Variants in KIAA0319 observed in about 807,000 individuals in gnomAD.
The protein encoded by KIAA0319 is dyslexia-associated protein KIAA0319.
KIAA0319 carries 83 observed loss-of-function variants against 108.4 expected under a neutral mutation model. The observed-to-expected ratio is 0.77, with a 90% CI of 0.64 to 0.92. The LOEUF is 0.92. Among genes scored for constraint, KIAA0319 ranks in the 40% least tolerant of loss-of-function variants. The probability of loss-of-function intolerance (pLI) is 0.00; values close to 1 mark genes in which losing one functional copy is unlikely to be tolerated. For synonymous variants in KIAA0319, 484 were observed against 510.4 expected (o/e 0.95, Z 0.70); for missense variants, 1,195 against 1,322.4 (o/e 0.90, Z 1.49).
At chr6:24,604,944 G>A (rs768043826) in intron 1 of KIAA0319, among the ~76,000 whole-genome samples, 8 of 152,224 alleles carry the variant, frequency 5.3e-5, no homozygotes, top group African/African-American at 1.7e-4. Context: ...GGGTTCAAGC[G>A]ATTCTCCTGC....
chr6:24,585,690 T>C (rs1767367282), intron 4 of KIAA0319, among the ~76,000 whole-genome samples: 1 of 152,202 alleles, frequency 6.6e-6, no homozygotes, highest in Non-Finnish European at 1.5e-5. Flanking sequence ...GTCTCTTATA[T>C]ACCTATGACC....
At chr6:24,593,386 CTTTTTTTT>C (rs58826962) in intron 3 of KIAA0319, among the ~76,000 whole-genome samples, 2 of 79,360 alleles carry the variant, frequency 2.5e-5, no homozygotes, top group African/African-American at 4.7e-5. Context: ...GAATAATTAT[CTTTTTTTT>C]TTTTTTTTTT....
intron 1 of KIAA0319, among the ~76,000 whole-genome samples, chr6:24,614,355 GT>G (rs777652512): frequency 2.6e-5 from 4 of 152,110 alleles, no homozygotes; most frequent in Non-Finnish European, 5.9e-5. Flanking sequence ...TCAAAAGCCA[GT>G]TATCTATGCA....
intron 1 of KIAA0319, among the ~76,000 whole-genome samples, chr6:24,645,358 G>A (rs1247238428): frequency 6.6e-6 from 1 of 152,176 alleles, no homozygotes; most frequent in East Asian, 1.9e-4. Context: ...TCCTTGGAGG[G>A]AATTCAAAGG....
chr6:24,631,001 C>T (rs1359707823), intron 1 of KIAA0319, among the ~76,000 whole-genome samples: 1 of 152,182 alleles, frequency 6.6e-6, no homozygotes, highest in Non-Finnish European at 1.5e-5. Flanking sequence ...AACAGATTGT[C>T]TGCATAGCAT....
rs1349130030 is a variant in KIAA0319, at chr6:24,547,227, C to T, written c.3157G>A (p.Val1053Ile). 6.2e-7 allele frequency: 1 copy of T among 1,614,132 alleles called. No homozygotes were observed. Among genetic ancestry groups the T allele is most frequent in the Non-Finnish European group, 8.5e-7 (1 of 1,180,002 alleles). The change falls in exon 21 of 21, where the codon GTT (valine) becomes ATT (isoleucine). Residue 1053 changes from valine to isoleucine, a missense_variant. Coordinates refer to ENST00000378214, the MANE Select transcript of KIAA0319 (RefSeq NM_014809.4). ...TTTCTGATGGAACCATTCATGGAAA[C>T]CTTTGGATTCCCTCTCTCCATCTTT... ...REKMERGNPK[V>I]SMNGSIRNGA...
At chr6:24,605,002 A>G (rs1180280608) in intron 1 of KIAA0319, among the ~76,000 whole-genome samples, 3 of 151,956 alleles carry the variant, frequency 2.0e-5, no homozygotes, top group African/African-American at 4.8e-5. Flanking sequence ...CACCATGCCC[A>G]GCTAATTTTT....
chr6:24,609,210 G>A lies in KIAA0319; in HGVS notation c.-105-8002C>T, dbSNP rs181521666. 3.5e-5 allele frequency among the ~76,000 whole-genome samples: 5 copies of A among 143,610 alleles called. No homozygotes were observed. In the East Asian group the frequency reaches 6.3e-4, roughly 18 times the overall value. The allele number at this position is 143,610 out of a possible 152,430, so 94.2% of individuals were successfully genotyped here. On this transcript the variant is annotated intron_variant, in intron 1 of 20. Coordinates refer to ENST00000378214, the MANE Select transcript of KIAA0319 (RefSeq NM_014809.4). ...TTGAACTTGGAAGGTAGAGGGTGCA[G>A]TGAGCCGAGATTATGCCATTGCACT...
intron 4 of KIAA0319, among the ~76,000 whole-genome samples, chr6:24,587,715 T>C (rs930879762): frequency 8.5e-5 from 13 of 152,144 alleles, no homozygotes; most frequent in African/African-American, 3.1e-4. Context: ...ACCTCCCAAG[T>C]AGCTGGGGTT....
chr6:24,621,304 A>C (rs1027448144), intron 1 of KIAA0319, among the ~76,000 whole-genome samples: 1 of 152,182 alleles, frequency 6.6e-6, no homozygotes, highest in Non-Finnish European at 1.5e-5. Flanking sequence ...ATAGTTCCTT[A>C]ACACACTCAC....
chr6:24,632,335 A>G (rs1775684506), intron 1 of KIAA0319, among the ~76,000 whole-genome samples: 1 of 152,220 alleles, frequency 6.6e-6, no homozygotes, highest in Admixed American at 6.5e-5. Flanking sequence ...GTTATCTCCA[A>G]CAGGTATATA....
rs201274998 is a variant in KIAA0319, at chr6:24,563,411, C to T, written c.2539G>A (p.Val847Met). 690 of 1,613,866 alleles carry T rather than the reference C, an allele frequency of 4.3e-4. No individual in the cohort carries two copies. Among genetic ancestry groups the T allele is most frequent in the Non-Finnish European group, 5.5e-4 (652 of 1,179,918 alleles). The change falls in exon 16 of 21, where the codon GTG (valine) becomes ATG (methionine). Residue 847 changes from valine (V) to methionine (M), a missense_variant. Val to Met is a conservative substitution (Grantham distance 21, BLOSUM62 1). Transcript: ENST00000378214. Reference sequence around the variant, plus strand: ...TGGACCTTAATGTCCGAGTCCAGCACGTTCAGCAGCACAGCCAGCTGCCTC... The same window carrying T: ...TGGACCTTAATGTCCGAGTCCAGCATGTTCAGCAGCACAGCCAGCTGCCTC... ...LVRQLAVLLN[V>M]LDSDIKVQKI... is the part of the protein sequence containing the mutation.
chr6:24,561,825 C>T (rs995122682), intron 16 of KIAA0319, among the ~76,000 whole-genome samples: 3 of 152,190 alleles, frequency 2.0e-5, no homozygotes, highest in African/African-American at 7.2e-5. Flanking sequence ...GCCTCAGCCT[C>T]TTGAGTAGCT....
In KIAA0319 at chr6:24,629,484, C is replaced by T. The variant is rs546749650; in HGVS notation, c.-106+16252G>A. 3.5e-4 allele frequency among the ~76,000 whole-genome samples: 40 copies of T among 114,460 alleles called. No individual in the cohort carries two copies. In the East Asian group the frequency reaches 0.011, roughly 31 times the overall value. 75.1% of individuals were successfully genotyped at this position (114,460 alleles called of 152,430 possible). A position where few individuals can be genotyped will look rare whatever the true frequency, so the allele number is the denominator to read the frequency against. ...GAGCCGAGATCGTGCCACTGCACTC[C>T]AGCCTGGGCAACAGAGTGAGACTCT... On this transcript the variant is annotated intron_variant, in intron 1 of 20. Coordinates refer to ENST00000378214, the MANE Select transcript of KIAA0319 (RefSeq NM_014809.4).
At chr6:24,540,191 TAATA>T (rs747602285), downstream of KIAA0319, among the ~76,000 whole-genome samples, 13 of 147,336 alleles carry the variant, frequency 8.8e-5, no homozygotes, top group East Asian at 1.9e-4. Context: ...AAGTACAGTA[TAATA>T]AATACGTAAA....
chr6:24,566,393 C>T (rs553418850), intron 14 of KIAA0319, among the ~76,000 whole-genome samples: 2 of 152,340 alleles, frequency 1.3e-5, no homozygotes, highest in African/African-American at 4.8e-5. Flanking sequence ...GGAAGAAAGA[C>T]CTCACTGGAA....
intron 1 of KIAA0319, among the ~76,000 whole-genome samples, chr6:24,633,951 T>C (rs1023419343): frequency 6.6e-6 from 1 of 151,988 alleles, no homozygotes; most frequent in East Asian, 1.9e-4. Context: ...AAAAAATTAA[T>C]GTGAATAGTA....
At chr6:24,556,853 T>C (rs1581906023) in intron 17 of KIAA0319, 124 bp from the exon 18 acceptor site, 1 of 1,132,086 alleles carries the variant, frequency 8.8e-7, no homozygotes, top group African/African-American at 1.6e-5. Flanking sequence ...AAGAGCCTCT[T>C]ACAGTGTGGA....
At chr6:24,600,552 A>G in intron 2 of KIAA0319, 1 of 854,436 alleles carries the variant, frequency 1.2e-6, no homozygotes, top group Non-Finnish European at 1.9e-6. Context: ...GCTGTGTTAC[A>G]TTTGGACAAA....
Sources: allele counts gnomAD v4.1 joint callset (sites outside exome capture counted in the v4.1 genomes callset), GRCh38; gene constraint gnomAD v4.1.1; transcripts MANE v1.5; gene names NCBI Gene and HGNC (gene_info 2026-07-23, HGNC 2026-07-21).